The following LIFR variants were observed in gnomAD, a reference collection of about 807,000 sequenced individuals.
The protein encoded by LIFR is LIF receptor subunit alpha.
LIFR carries 84 observed loss-of-function variants against 122.2 expected under a neutral mutation model. That is an observed-to-expected ratio of 0.69 (90% CI 0.58 to 0.82). LIFR has a LOEUF of 0.82. Among genes scored for constraint, LIFR ranks in the 40% least tolerant of loss-of-function variants. LIFR has a pLI of 0.00. For missense variants in LIFR, 1,294 were observed against 1,311.6 expected (o/e 0.99, Z 0.21); for synonymous variants, 422 against 434.7 (o/e 0.97, Z 0.36).
At position 38,476,526 on chromosome 5, in the gene LIFR, T is replaced by G; in HGVS notation, c.*5069A>C. ...ACATAGGATCTATGTTGTTAGCTTT[T>G]TTTTTTTTAAAGTTCTGATTGGCTA... On this transcript the variant is annotated 3_prime_UTR_variant, in exon 20 of 20. Transcript: ENST00000453190. 1 of 207,930 alleles carries G rather than the reference T, an allele frequency of 4.8e-6. No individual in the cohort carries two copies. The highest frequency in any genetic ancestry group is 9.8e-6 in the Non-Finnish European group (1 of 102,018). The allele number at this position is 207,930 out of a possible 1,614,324, so 12.9% of individuals were successfully genotyped here.
At chr5:38,527,427 G>A (rs893478955) in intron 3 of LIFR, 133 bp from the exon 4 acceptor site, 19 of 631,476 alleles carry the variant, frequency 3.0e-5, no homozygotes, top group Middle Eastern at 4.2e-4. Flanking sequence ...AGGTTGTACC[G>A]CATTTTAAGA....
chr5:38,561,952 T>G (rs1364294387), intron 1 of LIFR, among the ~76,000 whole-genome samples: 1 of 152,208 alleles, frequency 6.6e-6, no homozygotes, highest in Non-Finnish European at 1.5e-5. Flanking sequence ...CTTAACTCCC[T>G]GGGTCTTGGA....
At chr5:38,552,919 G>A (rs1332440018) in intron 1 of LIFR, among the ~76,000 whole-genome samples, 1 of 152,176 alleles carries the variant, frequency 6.6e-6, no homozygotes, top group Non-Finnish European at 1.5e-5. Context: ...GGTGGTTCCT[G>A]GTGCTGCAAA....
chr5:38,576,892 T>G (rs1320712804), intron 1 of LIFR, among the ~76,000 whole-genome samples: 1 of 152,198 alleles, frequency 6.6e-6, no homozygotes, highest in African/African-American at 2.4e-5. Context: ...ACACTGAAAC[T>G]AAATTTTTAA....
At chr5:38,586,407 C>T (rs930968215) in intron 1 of LIFR, among the ~76,000 whole-genome samples, 1 of 152,292 alleles carries the variant, frequency 6.6e-6, no homozygotes, top group East Asian at 1.9e-4. Flanking sequence ...GTCTGTTACA[C>T]CAAGCTGTAC....
chr5:38,523,582 G>C lies in LIFR; in HGVS notation c.398C>G (p.Ser133Cys), dbSNP rs1430976587. ...SKFTLNEQNV[S>C]LIPDTPEILN... ...GATCTCTGGAGTATCTGGAATTAAGGCTTTAAAAAGAGGAAACAAAAGAGA... is the reference window on the plus strand; with the variant it reads ...GATCTCTGGAGTATCTGGAATTAAGCCTTTAAAAAGAGGAAACAAAAGAGA... Residue 133 changes from serine (S) to cysteine (C), a missense_variant and splice_region_variant, in exon 5 of 20, where the codon TCC (serine) becomes TGC (cysteine). Transcript: ENST00000453190. 6.2e-7 allele frequency: 1 copy of C among 1,610,644 alleles called. No homozygotes were observed. Among genetic ancestry groups the C allele is most frequent in the East Asian group, 2.2e-5 (1 of 44,792 alleles).
At chr5:38,590,280 C>G (rs910505183) in intron 1 of LIFR, among the ~76,000 whole-genome samples, 1 of 152,068 alleles carries the variant, frequency 6.6e-6, no homozygotes, top group African/African-American at 2.4e-5. Context: ...CCAGGGAGGA[C>G]TGGTCAAAAA....
At chr5:38,496,999 C>T (rs1744917676) in intron 12 of LIFR, among the ~76,000 whole-genome samples, 1 of 151,622 alleles carries the variant, frequency 6.6e-6, no homozygotes, top group African/African-American at 2.4e-5. Context: ...CAACCAGTTA[C>T]AAGGTAGTAT....
At position 38,480,558 on chromosome 5, in the gene LIFR, T is replaced by C. The variant is rs1743933887; in HGVS notation, c.*1037A>G. 9.1e-6 allele frequency: 2 copies of C among 218,876 alleles called. No individual in the cohort carries two copies. The highest frequency in any genetic ancestry group is 3.7e-4 in the South Asian group (2 of 5,414). 13.6% of individuals were successfully genotyped at this position (218,876 alleles called of 1,614,324 possible). On this transcript the variant is annotated 3_prime_UTR_variant, in exon 20 of 20. Transcript: ENST00000453190. ...AAAAGACTCATGAGTGGGAGGAACA[T>C]CCACCAGAAGGTGTCAAAGATCACC...
At chr5:38,537,942 C>G (rs1442720619) in intron 1 of LIFR, among the ~76,000 whole-genome samples, 1 of 152,136 alleles carries the variant, frequency 6.6e-6, no homozygotes, top group Non-Finnish European at 1.5e-5. Flanking sequence ...CTTACTAGAT[C>G]AGATTTCTCT....
chr5:38,507,170 T>C (rs569710922), intron 7 of LIFR, among the ~76,000 whole-genome samples: 1 of 152,256 alleles, frequency 6.6e-6, no homozygotes, highest in African/African-American at 2.4e-5. Flanking sequence ...GCGGCTCTTT[T>C]GTTGTTTTTC....
chr5:38,525,723 C>T (rs568644527), intron 4 of LIFR, among the ~76,000 whole-genome samples: 7 of 152,104 alleles, frequency 4.6e-5, no homozygotes, highest in African/African-American at 1.7e-4. Context: ...AAACGAGAGG[C>T]AAGAAGTTGA....
chr5:38,527,405 C>A, intron 3 of LIFR, 111 bp from the exon 4 acceptor site: 1 of 701,276 alleles, frequency 1.4e-6, no homozygotes, highest in South Asian at 1.7e-5. Context: ...CTCTTTGTTG[C>A]AAAAACATGA....
rs1463176332 is a variant in LIFR at position 38,476,154 on chromosome 5, A to G, written c.*5441T>C. 1.5e-5 allele frequency: 3 copies of G among 203,846 alleles called. No individual in the cohort carries two copies. The highest frequency in any genetic ancestry group is 3.0e-5 in the Non-Finnish European group (3 of 99,498). 12.6% of individuals were successfully genotyped at this position (203,846 alleles called of 1,614,324 possible). ...TTATGATATATTAGACAATTTGGGG[A>G]AAAGCATTTGGAATCAAACTGGGAG... On this transcript the variant is annotated 3_prime_UTR_variant, in exon 20 of 20. Coordinates refer to ENST00000453190, the MANE Select transcript of LIFR (RefSeq NM_001127671.2).
At chr5:38,568,086 G>T (rs1749087305) in intron 1 of LIFR, among the ~76,000 whole-genome samples, 2 of 152,138 alleles carry the variant, frequency 1.3e-5, no homozygotes, top group African/African-American at 2.4e-5. Flanking sequence ...TACAAATTAT[G>T]TGCCTGACCA....
At chr5:38,578,406 A>G (rs1207055715) in intron 1 of LIFR, among the ~76,000 whole-genome samples, 1 of 150,382 alleles carries the variant, frequency 6.6e-6, no homozygotes, top group Non-Finnish European at 1.5e-5. Context: ...GGGTTTCTCC[A>G]TGTTGGTCAG....
intron 16 of LIFR, 117 bp from the exon 17 acceptor site, chr5:38,486,097 C>T: frequency 1.1e-6 from 1 of 898,084 alleles, no homozygotes; most frequent in Non-Finnish European, 1.8e-6. Context: ...CCATCCCAGC[C>T]AAGGACTCTG....
chr5:38,601,460 G>A (rs1039967113), intron 2 of LIFR, among the ~76,000 whole-genome samples: 2 of 152,236 alleles, frequency 1.3e-5, no homozygotes, highest in African/African-American at 2.4e-5. Flanking sequence ...AAGAGAAAGA[G>A]ATGCCAGGTG....
chr5:38,533,746 G>A (rs1441302701), intron 1 of LIFR, among the ~76,000 whole-genome samples: 1 of 152,148 alleles, frequency 6.6e-6, no homozygotes, highest in Non-Finnish European at 1.5e-5. Context: ...ATCAGGAAAC[G>A]TGACAGAGAG....
Sources: gnomAD v4.1 joint callset for allele counts (sites outside exome capture counted in the v4.1 genomes callset) on GRCh38, gnomAD v4.1.1 for gene constraint, MANE v1.5 for transcripts, NCBI Gene and HGNC (gene_info 2026-07-23, HGNC 2026-07-21) for gene names.